BRD10: variants seen among roughly 807,000 people sequenced by gnomAD.
The protein encoded by BRD10 is uncharacterized bromodomain-containing protein 10.
At chr9:5,928,952 T>A in the BRD10 span, 18 of 639,986 alleles carry the variant, frequency 2.8e-5, no homozygotes, top group Non-Finnish European at 4.3e-5. Flanking sequence ...TACAAATGAC[T>A]GGAAAACTAC....
At chr9:5,886,766 TA>T in the BRD10 span, among the ~76,000 whole-genome samples, 1,506 of 152,306 alleles carry the variant, frequency 9.9e-3, 19 homozygotes, top group African/African-American at 0.034. Flanking sequence ...AGGGAACTTC[TA>T]GGGGGCTTCC....
At chr9:5,968,736 T>C in the BRD10 span, 10 of 1,613,928 alleles carry the variant, frequency 6.2e-6, no homozygotes, top group Non-Finnish European at 8.5e-6. Flanking sequence ...TGTATTTTAA[T>C]GGGTGGAATT....
At chr9:5,951,449 A>T in the BRD10 span, among the ~76,000 whole-genome samples, 1 of 152,176 alleles carries the variant, frequency 6.6e-6, no homozygotes, top group Non-Finnish European at 1.5e-5. Context: ...GGGATCTATT[A>T]TCTATCCAAA....
At chr9:5,909,868 T>G in the BRD10 span, 6 of 152,240 alleles carry the variant, frequency 3.9e-5, no homozygotes, top group African/African-American at 1.4e-4. Flanking sequence ...TTGTTTTCCT[T>G]TGGCTACATC....
At chr9:5,919,738 G>A in the BRD10 span, 2 of 1,613,284 alleles carry the variant, frequency 1.2e-6, no homozygotes, top group Non-Finnish European at 1.7e-6. Flanking sequence ...AAGCAGGGAA[G>A]ACAGACGCAG....
At chr9:5,892,479 C>T in the BRD10 span, 5 of 1,613,262 alleles carry the variant, frequency 3.1e-6, no homozygotes, top group Middle Eastern at 1.6e-4. Flanking sequence ...TACAAGATGC[C>T]AAGAGAAGAT....
the BRD10 span, among the ~76,000 whole-genome samples, chr9:5,961,379 G>C: frequency 6.6e-6 from 1 of 152,018 alleles, no homozygotes; most frequent in Non-Finnish European, 1.5e-5. Context: ...CTTTTTGCTT[G>C]TCTCTATATT....
At chr9:5,984,486 A>C in the BRD10 span, among the ~76,000 whole-genome samples, 1 of 152,226 alleles carries the variant, frequency 6.6e-6, no homozygotes, top group African/African-American at 2.4e-5. Context: ...ACTGGAGATA[A>C]AATGGAATAT....
the BRD10 span, among the ~76,000 whole-genome samples, chr9:5,979,115 C>G: frequency 1.3e-5 from 2 of 152,090 alleles, no homozygotes; most frequent in African/African-American, 4.8e-5. Flanking sequence ...ATTTATTTTA[C>G]AAAAATAATC....
the BRD10 span, among the ~76,000 whole-genome samples, chr9:5,912,958 G>C: frequency 6.6e-6 from 1 of 152,206 alleles, no homozygotes; most frequent in South Asian, 2.1e-4. Flanking sequence ...AAGTTAGAGA[G>C]TATTGTTTTA....
the BRD10 span, among the ~76,000 whole-genome samples, chr9:5,974,406 T>C: frequency 6.6e-6 from 1 of 152,186 alleles, no homozygotes; most frequent in Non-Finnish European, 1.5e-5. Flanking sequence ...TATACTTTCA[T>C]TTGAACCAAC....
chr9:5,904,436 G>T, the BRD10 span, among the ~76,000 whole-genome samples: 4 of 151,920 alleles, frequency 2.6e-5, no homozygotes, highest in Admixed American at 1.3e-4. Flanking sequence ...CATTTTATAT[G>T]ATTCCATTTT....
At chr9:5,930,158 C>G in the BRD10 span, among the ~76,000 whole-genome samples, 1 of 148,150 alleles carries the variant, frequency 6.7e-6, no homozygotes, top group Non-Finnish European at 1.5e-5. Flanking sequence ...ATAATTCACA[C>G]ATCACACAAT....
chr9:5,929,386 T>TA, the BRD10 span, among the ~76,000 whole-genome samples: 845 of 152,286 alleles, frequency 5.5e-3, 3 homozygotes, highest in Non-Finnish European at 7.3e-3. Context: ...AACTGGAAGA[T>TA]AAAAATTTTA....
At chr9:5,963,707 A>G in the BRD10 span, among the ~76,000 whole-genome samples, 1 of 152,154 alleles carries the variant, frequency 6.6e-6, no homozygotes, top group African/African-American at 2.4e-5. Flanking sequence ...CAAAACAGAG[A>G]TATAGATCCA....
the BRD10 span, among the ~76,000 whole-genome samples, chr9:5,985,790 A>AAAT: frequency 1.5e-4 from 22 of 151,500 alleles, no homozygotes; most frequent in Middle Eastern, 0.01. Context: ...CGTCTCAAAA[A>AAAT]AAATAAATAA....
the BRD10 span, chr9:5,921,279 C>T: frequency 1.9e-6 from 3 of 1,614,000 alleles, no homozygotes; most frequent in Non-Finnish European, 2.5e-6. Flanking sequence ...CCAATTTTCA[C>T]ATCCTTTATC....
chr9:5,931,008 T>C, the BRD10 span, among the ~76,000 whole-genome samples: 1 of 152,244 alleles, frequency 6.6e-6, no homozygotes, highest in South Asian at 2.1e-4. Flanking sequence ...GAAGTAAATC[T>C]TTCCTAAGTT....
chr9:5,965,858 A>G, the BRD10 span, among the ~76,000 whole-genome samples: 1 of 152,212 alleles, frequency 6.6e-6, no homozygotes, highest in Non-Finnish European at 1.5e-5. Context: ...CACACCTAAT[A>G]AAGAAGAACA....
Sources: allele counts gnomAD v4.1 joint callset (sites outside exome capture counted in the v4.1 genomes callset), GRCh38; gene constraint gnomAD v4.1.1; transcripts MANE v1.5; gene names NCBI Gene and HGNC (gene_info 2026-07-23, HGNC 2026-07-21).